Variants in CNOT6L observed in about 807,000 individuals in gnomAD.
The protein encoded by CNOT6L is CCR4-NOT transcription complex subunit 6 like, also known as CCR4-NOT transcription complex subunit 6-like.
In CNOT6L, 7 loss-of-function variants were observed where a neutral mutation model predicts 64.0. The ratio of observed to expected loss-of-function variants is 0.11; its 90% CI spans 0.06 to 0.21. CNOT6L has a LOEUF of 0.21. CNOT6L is among the 10% of genes least tolerant of loss of function. The pLI, the probability that CNOT6L is intolerant of heterozygous loss-of-function variation, is 1.00. For synonymous variants in CNOT6L, 193 were observed against 243.4 expected (o/e 0.79, Z 1.93); for missense variants, 245 against 669.0 (o/e 0.37, Z 6.99).
Position 77,779,833 on chromosome 4 carries a change from G to A in CNOT6L, c.6-3441C>T, listed in dbSNP as rs61402267. Among the ~76,000 whole-genome samples the A allele has an allele frequency of 6.2e-4, 95 of 152,162 alleles. 1 individual carries two copies. Among genetic ancestry groups the A allele is most frequent in the African/African-American group, 2.0e-3 (85 of 41,522 alleles). On this transcript the variant is annotated intron_variant, in intron 1 of 11. Transcript: ENST00000504123. ...CAAAAAATTAGCCGGGTGTGGTCGCGGGCGCCTGTAGTCCCAGCTACTTGA... is the reference window on the plus strand; with the variant it reads ...CAAAAAATTAGCCGGGTGTGGTCGCAGGCGCCTGTAGTCCCAGCTACTTGA...
chr4:77,789,240 T>G (rs1729808361), intron 1 of CNOT6L, among the ~76,000 whole-genome samples: 1 of 152,008 alleles, frequency 6.6e-6, no homozygotes, highest in Non-Finnish European at 1.5e-5. Flanking sequence ...AACTGCTTGT[T>G]TTCAAGGAAA....
At chr4:77,800,239 C>A (rs1479677636) in intron 1 of CNOT6L, among the ~76,000 whole-genome samples, 2 of 152,118 alleles carry the variant, frequency 1.3e-5, no homozygotes, top group Non-Finnish European at 2.9e-5. Context: ...TTATGGCTCA[C>A]ACCTATAATC....
intron 4 of CNOT6L, among the ~76,000 whole-genome samples, chr4:77,768,234 G>A (rs1341802702): frequency 6.6e-6 from 1 of 151,818 alleles, no homozygotes; most frequent in African/African-American, 2.4e-5. Context: ...GGAGGCTGAG[G>A]TGGGAGGATC....
At chr4:77,738,959 A>C (rs1179154476) in intron 8 of CNOT6L, among the ~76,000 whole-genome samples, 4 of 152,118 alleles carry the variant, frequency 2.6e-5, no homozygotes, top group Admixed American at 1.3e-4. Context: ...TCTAACTCCC[A>C]AAAAATGATG....
At chr4:77,820,211 A>G (rs1407133325), upstream of CNOT6L, among the ~76,000 whole-genome samples, 1 of 152,130 alleles carries the variant, frequency 6.6e-6, no homozygotes, top group African/African-American at 2.4e-5. Flanking sequence ...ATTAATAACA[A>G]GGTGCAGAGA....
At chr4:77,805,365 T>C (rs975417896) in intron 1 of CNOT6L, among the ~76,000 whole-genome samples, 4 of 152,072 alleles carry the variant, frequency 2.6e-5, no homozygotes, top group African/African-American at 9.7e-5. Flanking sequence ...AAACAGGAGC[T>C]AGTACAAGCA....
rs1384534760 is a variant in CNOT6L, at chr4:77,758,858, A to G, written c.401-1907T>C. 2.0e-5 allele frequency among the ~76,000 whole-genome samples: 3 copies of G among 152,202 alleles called. No homozygotes were observed. In the East Asian group the frequency reaches 5.8e-4, roughly 29 times the overall value. ...TCTCCTTAGTAAGTACTATCTTCAA[A>G]GGAAACTATTTTACCAGAATCTAAG... On this transcript the variant is annotated intron_variant, in intron 4 of 11. Coordinates refer to ENST00000504123, the MANE Select transcript of CNOT6L (RefSeq NM_144571.3).
intron 1 of CNOT6L, among the ~76,000 whole-genome samples, chr4:77,779,726 C>CCCAGCA: frequency 6.6e-6 from 1 of 152,146 alleles, no homozygotes; most frequent in Non-Finnish European, 1.5e-5. Flanking sequence ...CTTTGGGAGG[C>CCCAGCA]CGAGGCGGGC....
chr4:77,749,825 A>G (rs1044407992), intron 5 of CNOT6L, among the ~76,000 whole-genome samples: 1 of 152,218 alleles, frequency 6.6e-6, no homozygotes, highest in African/African-American at 2.4e-5. Flanking sequence ...AGCTATCTTG[A>G]GAACAAACTG....
chr4:77,753,648 G>C (rs981552184), intron 5 of CNOT6L, among the ~76,000 whole-genome samples: 1 of 151,980 alleles, frequency 6.6e-6, no homozygotes, highest in Admixed American at 6.6e-5. Flanking sequence ...TCCAGCCTGG[G>C]TGACAGAGCA....
At chr4:77,803,470 A>G (rs559865815) in intron 1 of CNOT6L, among the ~76,000 whole-genome samples, 39 of 152,344 alleles carry the variant, frequency 2.6e-4, no homozygotes, top group Non-Finnish European at 4.4e-4. Context: ...ATACTTTAAA[A>G]AAGTGTGCAA....
chr4:77,819,243 C>A, intron 1 of CNOT6L, 61 bp downstream of exon 1: 1 of 1,613,254 alleles, frequency 6.2e-7, no homozygotes, highest in Non-Finnish European at 8.5e-7. Flanking sequence ...CTCATTTCCC[C>A]GGGGACGCGC....
chr4:77,733,157 G>T (rs909522002), intron 8 of CNOT6L, among the ~76,000 whole-genome samples: 1 of 152,072 alleles, frequency 6.6e-6, no homozygotes, highest in African/African-American at 2.4e-5. Context: ...CATTATGTTA[G>T]AATAAATCAA....
chr4:77,749,386 T>C (rs1451888759), intron 5 of CNOT6L, among the ~76,000 whole-genome samples: 1 of 152,180 alleles, frequency 6.6e-6, no homozygotes, highest in Non-Finnish European at 1.5e-5. Context: ...GTGAGTGCCA[T>C]GGCAGAGTCA....
intron 1 of CNOT6L, among the ~76,000 whole-genome samples, chr4:77,778,025 T>C (rs1160397709): frequency 6.6e-6 from 1 of 152,222 alleles, no homozygotes; most frequent in Non-Finnish European, 1.5e-5. Context: ...TCAACTCTAA[T>C]CTTACACAAT....
intron 4 of CNOT6L, among the ~76,000 whole-genome samples, chr4:77,768,832 T>C (rs912689199): frequency 1.3e-5 from 2 of 151,990 alleles, no homozygotes; most frequent in African/African-American, 4.8e-5. Flanking sequence ...AAATGAAAAC[T>C]GTATTATTTT....
chr4:77,805,504 T>C (rs375653423), intron 1 of CNOT6L, among the ~76,000 whole-genome samples: 1 of 152,326 alleles, frequency 6.6e-6, no homozygotes, highest in African/African-American at 2.4e-5. Flanking sequence ...ATAATAGTAT[T>C]AGCAGTACCT....
chr4:77,766,856 G>A (rs2110035168), intron 4 of CNOT6L, among the ~76,000 whole-genome samples: 1 of 151,836 alleles, frequency 6.6e-6, no homozygotes, highest in South Asian at 2.1e-4. Flanking sequence ...CAGACGTCAG[G>A]AATTTGAGAC....
chr4:77,762,649 A>G (rs1474097827), intron 4 of CNOT6L, among the ~76,000 whole-genome samples: 1 of 152,202 alleles, frequency 6.6e-6, no homozygotes, highest in Non-Finnish European at 1.5e-5. Context: ...ATTCCATTAT[A>G]TGGATGTGCC....
Sources: gnomAD v4.1 joint callset for allele counts (sites outside exome capture counted in the v4.1 genomes callset) on GRCh38, gnomAD v4.1.1 for gene constraint, MANE v1.5 for transcripts, NCBI Gene and HGNC (gene_info 2026-07-23, HGNC 2026-07-21) for gene names.